The following ATF7 variants were observed in gnomAD, a reference collection of about 807,000 sequenced individuals.
ATF7 encodes activating transcription factor 7.
In ATF7, 10 loss-of-function variants were observed where a neutral mutation model predicts 50.4. That is an observed-to-expected ratio of 0.20 (90% CI 0.12 to 0.34). The LOEUF (loss-of-function observed/expected upper bound fraction) is 0.34. ATF7 is among the 10% of genes least tolerant of loss of function. ATF7 has a pLI of 1.00. For synonymous variants in ATF7, 201 were observed against 226.4 expected (o/e 0.89, Z 1.01); for missense variants, 465 against 613.9 (o/e 0.76, Z 2.56).
chr12:53,605,889 G>C (rs1481345156), intron 1 of ATF7, among the ~76,000 whole-genome samples: 1 of 152,154 alleles, frequency 6.6e-6, no homozygotes, highest in Non-Finnish European at 1.5e-5. Context: ...AATATTTAAA[G>C]TCTATATTAA....
intron 1 of ATF7, among the ~76,000 whole-genome samples, chr12:53,613,851 G>C (rs1943999656): frequency 7.1e-6 from 1 of 141,056 alleles, no homozygotes; most frequent in African/African-American, 2.7e-5. Flanking sequence ...AAAGTATTAT[G>C]GGGTGAATTC....
intron 9 of ATF7, among the ~76,000 whole-genome samples, chr12:53,528,811 C>G (rs1043557933): frequency 6.6e-6 from 1 of 151,640 alleles, no homozygotes; most frequent in African/African-American, 2.4e-5. Flanking sequence ...AAAATTAGTT[C>G]TTTAGGAGAA....
At chr12:53,562,182 T>G (rs888930077) in intron 2 of ATF7, among the ~76,000 whole-genome samples, 5 of 152,200 alleles carry the variant, frequency 3.3e-5, no homozygotes, top group Non-Finnish European at 5.9e-5. Flanking sequence ...GCTGCTACAA[T>G]GTAAGCTCCT....
chr12:53,613,828 T>C (rs1565601687), intron 1 of ATF7, among the ~76,000 whole-genome samples: 1 of 122,478 alleles, frequency 8.2e-6, no homozygotes, highest in Non-Finnish European at 1.6e-5. Flanking sequence ...GGCCTGGCCC[T>C]CAATAATTTT....
intron 3 of ATF7, among the ~76,000 whole-genome samples, chr12:53,546,065 G>A (rs7957403): frequency 0.42 from 64,038 of 151,806 alleles, 13,954 homozygotes; most frequent in East Asian, 0.74. Context: ...GGTGGCGCAT[G>A]CCTGTAATCT....
Position 53,524,732 on chromosome 12 carries a change from A to C in ATF7, c.957T>G (p.Thr319=). Residue 319 remains threonine, a synonymous_variant, in exon 10 of 12, where the codon ACT becomes ACG. Transcript: ENST00000420353. This position sits in a 1 kb window ranked among gnomAD's most constrained non-coding sequence, Gnocchi z 4.6. ...CTACTGTGCGCCGCCGTCGCCCCCC[A>C]GTACTAGGGGTGGGCTGAGCTGGTG... ...QVSPAQPTPS[T]GGRRRRTVDE... is the part of the protein sequence containing the mutation. 6.2e-7 allele frequency: 1 copy of C among 1,611,320 alleles called. No individual in the cohort carries two copies.
chr12:53,538,671 C>A (rs1468434136), intron 4 of ATF7, among the ~76,000 whole-genome samples: 1 of 152,076 alleles, frequency 6.6e-6, no homozygotes, highest in East Asian at 1.9e-4. Context: ...CAAAGTGGAT[C>A]CTTTGTTCTA....
intron 3 of ATF7, among the ~76,000 whole-genome samples, chr12:53,549,068 C>T (rs908120394): frequency 2.0e-5 from 3 of 151,960 alleles, no homozygotes; most frequent in Admixed American, 1.3e-4. Context: ...AGGCAGATCT[C>T]GAGGTCAGGA....
chr12:53,611,089 A>C (rs1012962927), intron 1 of ATF7, among the ~76,000 whole-genome samples: 5 of 152,014 alleles, frequency 3.3e-5, no homozygotes, highest in Admixed American at 2.6e-4. Context: ...TGGCCTCCCA[A>C]AGTTCTGGGA....
At chr12:53,601,861 T>G (rs1008259775) in intron 1 of ATF7, among the ~76,000 whole-genome samples, 4 of 152,220 alleles carry the variant, frequency 2.6e-5, no homozygotes, top group African/African-American at 9.6e-5. Flanking sequence ...GGCATCACCA[T>G]CTATCCCTTC....
At chr12:53,612,948 G>A (rs1260927165) in intron 1 of ATF7, among the ~76,000 whole-genome samples, 1 of 152,010 alleles carries the variant, frequency 6.6e-6, no homozygotes. Context: ...AGGTTGCAGT[G>A]AGCCAACCTC....
At chr12:53,542,836 A>G in intron 4 of ATF7, 1 of 723,858 alleles carries the variant, frequency 1.4e-6, no homozygotes, top group Non-Finnish European at 1.7e-6. Flanking sequence ...TGCTTTGAAT[A>G]ATAGTAGAAA....
chr12:53,592,810 G>A (rs1035107068), intron 2 of ATF7, among the ~76,000 whole-genome samples: 4 of 152,060 alleles, frequency 2.6e-5, no homozygotes, highest in African/African-American at 9.7e-5. Context: ...AAAATTATAA[G>A]CAGAAAATCA....
At chr12:53,546,626 T>A (rs1939936325) in intron 3 of ATF7, among the ~76,000 whole-genome samples, 1 of 151,664 alleles carries the variant, frequency 6.6e-6, no homozygotes, top group Admixed American at 6.6e-5. Context: ...TTTTTTGTAT[T>A]TTTAGTAGAG....
At chr12:53,614,514 T>A (rs1306892091) in intron 1 of ATF7, among the ~76,000 whole-genome samples, 1 of 152,190 alleles carries the variant, frequency 6.6e-6, no homozygotes, top group Non-Finnish European at 1.5e-5. Context: ...TTAAACAGGC[T>A]GCAAAGAACA....
chr12:53,527,069 G>C (rs1938522142), intron 9 of ATF7, among the ~76,000 whole-genome samples: 1 of 151,824 alleles, frequency 6.6e-6, no homozygotes, highest in Admixed American at 6.6e-5. Flanking sequence ...TGAGGCAGGA[G>C]AATCGGTTGA....
intron 11 of ATF7, among the ~76,000 whole-genome samples, chr12:53,519,029 G>A (rs1937921090): frequency 6.6e-6 from 1 of 151,474 alleles, no homozygotes; most frequent in Non-Finnish European, 1.5e-5. Flanking sequence ...ACTCCAGCCT[G>A]GGCAACAGAG....
At chr12:53,576,112 C>T (rs1025451057) in intron 2 of ATF7, 1 of 153,834 alleles carries the variant, frequency 6.5e-6, no homozygotes, top group Non-Finnish European at 1.5e-5. Context: ...AGTAACTCTG[C>T]TTCTTTAAAA....
In ATF7 at chr12:53,526,315, CCCTCCT is replaced by C. The variant is rs376486763; in HGVS notation, c.928-1560_928-1555del. Among the ~76,000 whole-genome samples the C allele has an allele frequency of 7.2e-4, 109 of 150,446 alleles. 1 individual carries two copies. Among genetic ancestry groups the C allele is most frequent in the African/African-American group, 1.8e-3 (76 of 41,102 alleles). The stretch of plus-strand genomic sequence containing the variant: ...CTACCCCTGAGACAGCAAGACCAAG[CCCTCCT>C]CCTCCTCCTCCTCCTCCTCAATGCG... On this transcript the variant is annotated intron_variant, in intron 9 of 11. Coordinates refer to ENST00000420353, the MANE Select transcript of ATF7 (RefSeq NM_006856.3).
Sources: allele counts gnomAD v4.1 joint callset (sites outside exome capture counted in the v4.1 genomes callset), GRCh38; gene constraint gnomAD v4.1.1; non-coding constraint Gnocchi (gnomAD v3.1); transcripts MANE v1.5; gene names NCBI Gene and HGNC (gene_info 2026-07-23, HGNC 2026-07-21).